The following RBFOX1 variants were observed in gnomAD, a reference collection of about 807,000 sequenced individuals.
RBFOX1 encodes the protein RNA binding protein fox-1 homolog 1.
RBFOX1 carries 8 observed loss-of-function variants against 57.7 expected under a neutral mutation model. The observed-to-expected ratio is 0.14, with a 90% CI of 0.08 to 0.25. The LOEUF is 0.25. Among genes scored for constraint, RBFOX1 ranks in the 10% least tolerant of loss-of-function variants. The pLI, the probability that RBFOX1 is intolerant of heterozygous loss-of-function variation, is 1.00. For synonymous variants in RBFOX1, 326 were observed against 222.4 expected (o/e 1.47, Z -4.15); for missense variants, 611 against 548.5 (o/e 1.11, Z -1.14).
chr16:5,284,252 C>T (rs2063338640), intron 1 of RBFOX1, among the ~76,000 whole-genome samples: 1 of 152,284 alleles, frequency 6.6e-6, no homozygotes, highest in Admixed American at 6.5e-5. Flanking sequence ...CAGTCTCAGT[C>T]AGGTATGTCT....
At chr16:5,984,142 TCCTTCCCCTCCCCCTCCTCCTCCTCC>T (rs2060234766) in intron 4 of RBFOX1, among the ~76,000 whole-genome samples, 1 of 13,130 alleles carries the variant, frequency 7.6e-5, no homozygotes, top group Non-Finnish European at 1.3e-4. Flanking sequence ...CCTCCTCCTC[TCCTTCCCCTCCCCCTCCTCCTCCTCC>T]CCTTCCCCTC....
At chr16:7,031,242 T>G (rs536000415) in intron 3 of RBFOX1, among the ~76,000 whole-genome samples, 2 of 152,298 alleles carry the variant, frequency 1.3e-5, no homozygotes, top group South Asian at 2.1e-4. Context: ...ACTCCTCTAT[T>G]TACTCATGAT....
At chr16:6,448,342 A>G (rs915713045) in intron 2 of RBFOX1, among the ~76,000 whole-genome samples, 1 of 151,168 alleles carries the variant, frequency 6.6e-6, no homozygotes, top group East Asian at 2.0e-4. Context: ...TTATTTTAAT[A>G]GAGGCGGGGC....
At chr16:7,221,162 C>A (rs755713639) in intron 4 of RBFOX1, among the ~76,000 whole-genome samples, 1 of 152,054 alleles carries the variant, frequency 6.6e-6, no homozygotes, top group Non-Finnish European at 1.5e-5. Flanking sequence ...TAATATCTCC[C>A]TGTGTATTTT....
chr16:6,755,002 A>T (rs62017639), intron 3 of RBFOX1, among the ~76,000 whole-genome samples: 26 of 151,880 alleles, frequency 1.7e-4, no homozygotes, highest in African/African-American at 6.3e-4. Context: ...ATGATTTCCA[A>T]TTTCATCCAT....
At position 6,447,270 on chromosome 16, in the gene RBFOX1, T is replaced by C. The variant is rs139359251; in HGVS notation, c.-64+130213T>C. Among the ~76,000 whole-genome samples, 42 of 152,304 alleles carry C rather than the reference T, an allele frequency of 2.8e-4. No homozygotes were observed. The East Asian group carries it at 5.0e-3, about 18-fold the overall frequency. On this transcript the variant is annotated intron_variant, in intron 2 of 15. Transcript: ENST00000550418. ...TGCCAGAAAGGCCTAGTTTGGAACC[T>C]GTGGCCATCGGTGAAAGGGATTTGG... is the stretch of plus-strand genomic sequence containing the variant.
At chr16:7,341,064 G>C (rs1489989251) in intron 4 of RBFOX1, among the ~76,000 whole-genome samples, 4 of 152,086 alleles carry the variant, frequency 2.6e-5, no homozygotes, top group African/African-American at 9.7e-5. Flanking sequence ...TTTAAAGGTT[G>C]TTTTGGGTAA....
Position 6,351,323 on chromosome 16 carries a change from CGT to C in RBFOX1, c.-64+34295_-64+34296del, listed in dbSNP as rs71406370. 4.4e-3 allele frequency among the ~76,000 whole-genome samples: 499 copies of C among 112,846 alleles called. 2 individuals are homozygous for C. Among genetic ancestry groups the C allele is most frequent in the Middle Eastern group, 0.011 (2 of 190 alleles). The allele number at this position is 112,846 out of a possible 152,430, so 74.0% of individuals were successfully genotyped here. A position where few individuals can be genotyped will look rare whatever the true frequency, so the allele number is the denominator to read the frequency against. On this transcript the variant is annotated intron_variant, in intron 2 of 15. Transcript: ENST00000550418. ...GTATACATAAAATATATATATATAA[CGT>C]GTGTGTGTGTGTGTGTGTGTGTGTG...
intron 7 of RBFOX1, among the ~76,000 whole-genome samples, chr16:7,591,142 G>A (rs557525478): frequency 6.6e-6 from 1 of 152,080 alleles, no homozygotes; most frequent in African/African-American, 2.4e-5. Flanking sequence ...CTGAGAGTGA[G>A]AGTTGCGTAA....
At chr16:7,164,171 C>T (rs1341507459) in intron 4 of RBFOX1, among the ~76,000 whole-genome samples, 6 of 152,120 alleles carry the variant, frequency 3.9e-5, no homozygotes, top group Non-Finnish European at 5.9e-5. Context: ...TACGTCTTTG[C>T]GTCCTCATAG....
chr16:6,586,637 A>G (rs746555042), intron 2 of RBFOX1, among the ~76,000 whole-genome samples: 4 of 152,194 alleles, frequency 2.6e-5, no homozygotes, highest in Non-Finnish European at 5.9e-5. Flanking sequence ...TCTGTATGCC[A>G]TGTATTTTCA....
chr16:6,057,637 T>G (rs1257792352), intron 1 of RBFOX1, among the ~76,000 whole-genome samples: 1 of 152,088 alleles, frequency 6.6e-6, no homozygotes. Flanking sequence ...GGATGTATAT[T>G]GTTTCTCTAA....
chr16:7,446,798 ATTTTTTTTTTTTTTTTT>A (rs34580591), intron 4 of RBFOX1, among the ~76,000 whole-genome samples: 3 of 48,972 alleles, frequency 6.1e-5, no homozygotes, highest in Non-Finnish European at 1.0e-4. Flanking sequence ...AGGTCTAGGT[ATTTTTTTTTTTTTTTTT>A]TTTTTTTTTT....
chr16:5,790,392 C>T (rs1197852447), intron 3 of RBFOX1, among the ~76,000 whole-genome samples: 1 of 151,968 alleles, frequency 6.6e-6, no homozygotes, highest in African/African-American at 2.4e-5. Flanking sequence ...AAGGATGGGG[C>T]CGTAGGAATG....
chr16:6,057,714 G>A (rs1246739039), intron 1 of RBFOX1, among the ~76,000 whole-genome samples: 1 of 152,054 alleles, frequency 6.6e-6, no homozygotes, highest in Non-Finnish European at 1.5e-5. Context: ...GGTGTCCTTG[G>A]AGTGCAAGGA....
chr16:6,330,007 T>A (rs931489780), intron 2 of RBFOX1, among the ~76,000 whole-genome samples: 2 of 152,082 alleles, frequency 1.3e-5, no homozygotes, highest in African/African-American at 4.8e-5. Flanking sequence ...CTGGTATGAT[T>A]TTAAAAATAT....
chr16:5,992,507 G>T (rs1479326235), intron 4 of RBFOX1, among the ~76,000 whole-genome samples: 1 of 152,176 alleles, frequency 6.6e-6, no homozygotes, highest in Non-Finnish European at 1.5e-5. Context: ...TCCTGCAACT[G>T]GTATGAGTCA....
At chr16:5,431,463 C>T (rs144798058) in intron 1 of RBFOX1, among the ~76,000 whole-genome samples, 2,767 of 152,132 alleles carry the variant, frequency 0.018, 84 homozygotes, top group African/African-American at 0.062. Context: ...CAACCTCCGC[C>T]TCCTGGGTTC....
chr16:5,805,302 C>A (rs2055190502), intron 3 of RBFOX1, among the ~76,000 whole-genome samples: 1 of 152,130 alleles, frequency 6.6e-6, no homozygotes, highest in African/African-American at 2.4e-5. Flanking sequence ...ATTCCATAAG[C>A]ACTGATTTAC....
Sources: gnomAD v4.1 joint callset for allele counts (sites outside exome capture counted in the v4.1 genomes callset) on GRCh38, gnomAD v4.1.1 for gene constraint, MANE v1.5 for transcripts, NCBI Gene and HGNC (gene_info 2026-07-23, HGNC 2026-07-21) for gene names.